Variants in PDE4B observed in about 807,000 individuals in gnomAD.
PDE4B encodes the protein 3',5'-cyclic-AMP phosphodiesterase 4B.
A neutral mutation model predicts 82.2 loss-of-function variants in PDE4B; 20 were observed. That is an observed-to-expected ratio of 0.24 (90% CI 0.17 to 0.35). The LOEUF (loss-of-function observed/expected upper bound fraction) is 0.35, where lower values mean the gene tolerates loss of function less well. Ranked by LOEUF, PDE4B falls within the 10% of genes least tolerant of loss-of-function variation. The pLI is 1.00. For synonymous variants in PDE4B, 320 were observed against 318.9 expected (o/e 1.00, Z -0.04); for missense variants, 655 against 907.2 (o/e 0.72, Z 3.57).
At chr1:66,114,632 ATT>A (rs139293880) in intron 3 of PDE4B, among the ~76,000 whole-genome samples, 7,073 of 132,038 alleles carry the variant, frequency 0.054, 246 homozygotes, top group East Asian at 0.26. Flanking sequence ...GTAGCCCACA[ATT>A]TTTTTTTTTT....
chr1:66,136,031 A>G (rs1200331250), intron 3 of PDE4B, among the ~76,000 whole-genome samples: 1 of 152,140 alleles, frequency 6.6e-6, no homozygotes, highest in Non-Finnish European at 1.5e-5. Flanking sequence ...GGGTACTTTC[A>G]TGGGCTCATT....
chr1:65,998,746 G>T (rs996460393), intron 3 of PDE4B, among the ~76,000 whole-genome samples: 2 of 151,884 alleles, frequency 1.3e-5, no homozygotes, highest in African/African-American at 4.8e-5. Flanking sequence ...ACCCCCACAT[G>T]CATCAAACAA....
intron 16 of PDE4B, among the ~76,000 whole-genome samples, chr1:66,371,093 A>ATTATATAT (rs2050748186): frequency 2.0e-5 from 1 of 48,928 alleles, no homozygotes; most frequent in Non-Finnish European, 4.0e-5. Flanking sequence ...CACACATCAT[A>ATTATATAT]CTATATATAT....
At chr1:65,962,719 A>T (rs1557461820) in intron 3 of PDE4B, among the ~76,000 whole-genome samples, 1 of 152,136 alleles carries the variant, frequency 6.6e-6, no homozygotes, top group African/African-American at 2.4e-5. Flanking sequence ...AGAGCAGCAG[A>T]TCCTCAGTTT....
chr1:65,887,414 G>GTTTT (rs34263724), intron 1 of PDE4B, among the ~76,000 whole-genome samples: 1,331 of 7,736 alleles, frequency 0.17, 509 homozygotes, highest in Non-Finnish European at 0.19. Context: ...TTTTTCTTCT[G>GTTTT]TTTTTTTTTT....
At chr1:66,304,071 G>T (rs1235682699) in intron 7 of PDE4B, among the ~76,000 whole-genome samples, 1 of 152,112 alleles carries the variant, frequency 6.6e-6, no homozygotes, top group East Asian at 1.9e-4. Context: ...ACAGAACCCA[G>T]CATTTAACCT....
chr1:66,206,301 G>C (rs1320065766), intron 3 of PDE4B, among the ~76,000 whole-genome samples: 1 of 152,132 alleles, frequency 6.6e-6, no homozygotes, highest in East Asian at 1.9e-4. Flanking sequence ...GAAAGCTTCT[G>C]ATTCAGTGTC....
chr1:66,100,299 C>G (rs151275757), intron 3 of PDE4B, among the ~76,000 whole-genome samples: 2 of 152,014 alleles, frequency 1.3e-5, no homozygotes, highest in Non-Finnish European at 2.9e-5. Context: ...GTGATCAGCC[C>G]GCCTTGGCCT....
chr1:66,079,416 A>G (rs1375497983), intron 3 of PDE4B, among the ~76,000 whole-genome samples: 3 of 152,088 alleles, frequency 2.0e-5, no homozygotes, highest in Non-Finnish European at 4.4e-5. Context: ...CTGGCAGCCT[A>G]CAGGTTACAT....
intron 8 of PDE4B, among the ~76,000 whole-genome samples, chr1:66,343,981 C>T (rs751865115): frequency 6.6e-6 from 1 of 152,036 alleles, no homozygotes; most frequent in African/African-American, 2.4e-5. Flanking sequence ...TCTAATGGGT[C>T]ACTAATGAAA....
At chr1:66,284,278 T>A (rs901177104) in intron 7 of PDE4B, among the ~76,000 whole-genome samples, 14 of 152,138 alleles carry the variant, frequency 9.2e-5, no homozygotes, top group African/African-American at 3.4e-4. Flanking sequence ...CATAGCTCGG[T>A]CATTCATTAT....
intron 1 of PDE4B, among the ~76,000 whole-genome samples, chr1:65,832,299 T>C (rs1391073997): frequency 6.6e-6 from 1 of 152,192 alleles, no homozygotes; most frequent in African/African-American, 2.4e-5. Flanking sequence ...ACAGCTGCTG[T>C]CTGTAAACTT....
chr1:66,077,292 T>C (rs1656483117), intron 3 of PDE4B, among the ~76,000 whole-genome samples: 2 of 152,220 alleles, frequency 1.3e-5, no homozygotes, highest in Admixed American at 6.5e-5. Context: ...AAATCAATAA[T>C]AGCTAATGCA....
intron 3 of PDE4B, among the ~76,000 whole-genome samples, chr1:66,188,619 T>C (rs1016597846): frequency 4.0e-5 from 6 of 151,694 alleles, no homozygotes; most frequent in African/African-American, 1.5e-4. Context: ...TGATCTTTGT[T>C]GGTTTAAAGT....
chr1:65,954,707 A>T (rs1039079112), intron 3 of PDE4B, among the ~76,000 whole-genome samples: 4 of 152,112 alleles, frequency 2.6e-5, no homozygotes, highest in African/African-American at 7.2e-5. Flanking sequence ...TATGATGCTT[A>T]ATTTGATCAG....
At position 66,150,260 on chromosome 1, in the gene PDE4B, C is replaced by T. The variant is rs776253249; in HGVS notation, c.282-97200C>T. Among the ~76,000 whole-genome samples the T allele has an allele frequency of 1.6e-4, 25 of 151,892 alleles. No homozygotes were observed. The South Asian group carries it at 1.9e-3, about 11-fold the overall frequency. Reference sequence around the variant, plus strand: ...CATAAGAATTCTGGAATCAGCTTTTCAATTTCTGAAAGAAAAAAAAAGGGC... The same window carrying T: ...CATAAGAATTCTGGAATCAGCTTTTTAATTTCTGAAAGAAAAAAAAAGGGC... On this transcript the variant is annotated intron_variant, in intron 3 of 16. Coordinates refer to ENST00000341517, the MANE Select transcript of PDE4B (RefSeq NM_002600.4).
At chr1:65,978,642 A>C (rs1650534364) in intron 3 of PDE4B, among the ~76,000 whole-genome samples, 1 of 152,224 alleles carries the variant, frequency 6.6e-6, no homozygotes. Context: ...AATCTTAATA[A>C]AAATATCAAG....
intron 1 of PDE4B, among the ~76,000 whole-genome samples, chr1:65,835,894 A>G (rs1646133860): frequency 6.6e-6 from 1 of 152,050 alleles, no homozygotes; most frequent in South Asian, 2.1e-4. Context: ...GCAAAAATCC[A>G]CTTGAGTGAA....
chr1:66,073,092 G>A (rs1300740240), intron 3 of PDE4B, among the ~76,000 whole-genome samples: 3 of 151,076 alleles, frequency 2.0e-5, no homozygotes, highest in African/African-American at 4.9e-5. Flanking sequence ...CAATGCCCTC[G>A]CTGGGGTTTG....
Sources: gnomAD v4.1 joint callset for allele counts (sites outside exome capture counted in the v4.1 genomes callset) on GRCh38, gnomAD v4.1.1 for gene constraint, MANE v1.5 for transcripts, NCBI Gene and HGNC (gene_info 2026-07-23, HGNC 2026-07-21) for gene names.